Variants in CDH11 observed in about 807,000 individuals in gnomAD.
The protein encoded by CDH11 is cadherin-11.
A neutral mutation model predicts 67.8 loss-of-function variants in CDH11; 11 were observed. That is an observed-to-expected ratio of 0.16 (90% CI 0.10 to 0.27). The LOEUF (loss-of-function observed/expected upper bound fraction) is 0.27. Ranked by LOEUF, CDH11 falls within the 10% of genes least tolerant of loss-of-function variation. The probability of loss-of-function intolerance (pLI) is 1.00; values close to 1 mark genes in which losing one functional copy is unlikely to be tolerated. For synonymous variants in CDH11, 419 were observed against 400.0 expected (o/e 1.05, Z -0.57); for missense variants, 847 against 1,031.2 (o/e 0.82, Z 2.45).
At chr16:64,956,615 C>G (rs981899135) in intron 11 of CDH11, among the ~76,000 whole-genome samples, 2 of 152,158 alleles carry the variant, frequency 1.3e-5, no homozygotes, top group Non-Finnish European at 2.9e-5. Context: ...TGTTTTCCCC[C>G]ACTTAGGCCA....
chr16:64,952,843 AT>A (rs2071398977), intron 11 of CDH11, among the ~76,000 whole-genome samples: 1 of 152,124 alleles, frequency 6.6e-6, no homozygotes, highest in Non-Finnish European at 1.5e-5. Flanking sequence ...GGGAAAAAAA[AT>A]CTCAGAATTT....
chr16:65,060,377 T>C (rs905104959), intron 1 of CDH11, among the ~76,000 whole-genome samples: 3 of 151,436 alleles, frequency 2.0e-5, no homozygotes, highest in Non-Finnish European at 3.0e-5. Context: ...AGAGAGACTA[T>C]ATTATTAACA....
intron 1 of CDH11, among the ~76,000 whole-genome samples, chr16:65,101,353 G>A (rs1203160792): frequency 2.0e-5 from 3 of 152,204 alleles, no homozygotes; most frequent in Non-Finnish European, 4.4e-5. Flanking sequence ...GACCTCACCT[G>A]TGATGCTAGT....
At chr16:65,078,451 G>A (rs150203507) in intron 1 of CDH11, among the ~76,000 whole-genome samples, 23 of 152,228 alleles carry the variant, frequency 1.5e-4, no homozygotes, top group East Asian at 5.8e-4. Context: ...ACACTACTTC[G>A]TATTATATCA....
chr16:65,036,665 T>C (rs939440520), intron 2 of CDH11, among the ~76,000 whole-genome samples: 2 of 152,170 alleles, frequency 1.3e-5, no homozygotes, highest in East Asian at 1.9e-4. Context: ...ACGTCATATG[T>C]TCTACTAAGA....
intron 2 of CDH11, among the ~76,000 whole-genome samples, chr16:65,048,826 GTA>G (rs2074007140): frequency 6.6e-6 from 1 of 151,832 alleles, no homozygotes; most frequent in African/African-American, 2.4e-5. Flanking sequence ...TGGCTGTATG[GTA>G]TATCACGAAA....
intron 7 of CDH11, among the ~76,000 whole-genome samples, chr16:64,983,992 A>T (rs1016041767): frequency 2.0e-5 from 3 of 152,192 alleles, no homozygotes; most frequent in Non-Finnish European, 2.9e-5. Context: ...TCCCACTGGG[A>T]AGCCCTGTGG....
chr16:64,970,495 A>T (rs1273068920), intron 11 of CDH11, among the ~76,000 whole-genome samples: 2 of 152,154 alleles, frequency 1.3e-5, no homozygotes. Flanking sequence ...TCATCTGTGG[A>T]ATAGGGGTGA....
chr16:65,048,972 T>C (rs375594964), intron 2 of CDH11, among the ~76,000 whole-genome samples: 19 of 152,196 alleles, frequency 1.2e-4, no homozygotes, highest in East Asian at 1.2e-3. Flanking sequence ...AAATACTGCA[T>C]ATCCTCAGTT....
At chr16:64,991,632 T>G (rs1161239715) in intron 6 of CDH11, 136 bp downstream of exon 6, 1 of 559,696 alleles carries the variant, frequency 1.8e-6, no homozygotes, top group African/African-American at 1.9e-5. Flanking sequence ...TGTTTTGTTT[T>G]TGTAAGAATG....
At chr16:65,119,374 C>T (rs985587675) in intron 1 of CDH11, among the ~76,000 whole-genome samples, 35 of 152,152 alleles carry the variant, frequency 2.3e-4, no homozygotes, top group African/African-American at 8.2e-4. Flanking sequence ...TGCGCCATAA[C>T]TATTTTTTTT....
intron 2 of CDH11, among the ~76,000 whole-genome samples, chr16:65,006,627 T>C (rs2073060974): frequency 6.6e-6 from 1 of 152,200 alleles, no homozygotes; most frequent in Admixed American, 6.5e-5. Flanking sequence ...CCTTCTTCTT[T>C]TCCCAGAGTG....
intron 7 of CDH11, chr16:64,987,125 C>T (rs1349766898): frequency 1.3e-5 from 2 of 152,240 alleles, no homozygotes; most frequent in South Asian, 2.1e-4. Flanking sequence ...CTTCCAATTC[C>T]GATTTAATGC....
At chr16:65,010,952 C>CAT (rs200372447) in intron 2 of CDH11, among the ~76,000 whole-genome samples, 43,189 of 135,612 alleles carry the variant, frequency 0.32, 6,910 homozygotes, top group South Asian at 0.54. Context: ...ATATGTGTGA[C>CAT]ATATATATAT....
At chr16:65,098,288 A>T (rs1332422402) in intron 1 of CDH11, among the ~76,000 whole-genome samples, 1 of 152,190 alleles carries the variant, frequency 6.6e-6, no homozygotes. Flanking sequence ...GGATGACAGA[A>T]CAACATGCTA....
At chr16:64,948,591 C>T (rs771671875) in intron 12 of CDH11, 2 of 1,601,176 alleles carry the variant, frequency 1.2e-6, no homozygotes, top group African/African-American at 1.3e-5. Context: ...CCTATACTAA[C>T]TTAATGGGAA....
At chr16:65,028,158 G>A (rs560480227) in intron 2 of CDH11, among the ~76,000 whole-genome samples, 1 of 152,288 alleles carries the variant, frequency 6.6e-6, no homozygotes, top group South Asian at 2.1e-4. Flanking sequence ...TTTATGCCTT[G>A]TTTCCTGGGA....
At chr16:64,973,456 G>C (rs1466151739) in intron 8 of CDH11, among the ~76,000 whole-genome samples, 1 of 152,134 alleles carries the variant, frequency 6.6e-6, no homozygotes, top group Non-Finnish European at 1.5e-5. Context: ...ATCCGTTCAA[G>C]TGTATTTAAA....
At chr16:65,097,206 A>C (rs1311922544) in intron 1 of CDH11, among the ~76,000 whole-genome samples, 1 of 152,246 alleles carries the variant, frequency 6.6e-6, no homozygotes, top group Non-Finnish European at 1.5e-5. Context: ...AAGTGACAAT[A>C]GGCAAAATAA....
Sources: allele counts gnomAD v4.1 joint callset (sites outside exome capture counted in the v4.1 genomes callset), GRCh38; gene constraint gnomAD v4.1.1; transcripts MANE v1.5; gene names NCBI Gene and HGNC (gene_info 2026-07-23, HGNC 2026-07-21).